The following CCDC13 variants were observed in gnomAD, a reference collection of about 807,000 sequenced individuals.
CCDC13 encodes coiled-coil domain-containing protein 13.
CCDC13 carries 70 observed loss-of-function variants against 87.3 expected under a neutral mutation model. That is an observed-to-expected ratio of 0.80 (90% CI 0.66 to 0.98). The LOEUF (loss-of-function observed/expected upper bound fraction) is 0.98, where lower values mean the gene tolerates loss of function less well. Ranked by LOEUF, CCDC13 falls within the 50% of genes least tolerant of loss-of-function variation. CCDC13 has a pLI of 0.00. For missense variants in CCDC13, 842 were observed against 892.0 expected, an observed-to-expected ratio of 0.94 and a Z score of 0.71; for synonymous variants, 317 against 360.3, an observed-to-expected ratio of 0.88 and a Z score of 1.36.
intron 9 of CCDC13, among the ~76,000 whole-genome samples, chr3:42,737,793 G>A (rs1699079180): frequency 6.6e-6 from 1 of 152,176 alleles, no homozygotes; most frequent in Non-Finnish European, 1.5e-5. Flanking sequence ...TGAGTTCTTT[G>A]TAGATTCTGG....
intron 1 of CCDC13, among the ~76,000 whole-genome samples, chr3:42,767,384 G>A (rs183615746): frequency 5.7e-4 from 86 of 152,210 alleles, no homozygotes; most frequent in African/African-American, 2.0e-3. Context: ...TCTATATTAG[G>A]AGAAATATAA....
intron 6 of CCDC13, 76 bp downstream of exon 6, chr3:42,747,181 T>C: frequency 9.3e-7 from 1 of 1,075,836 alleles, no homozygotes; most frequent in Non-Finnish European, 1.4e-6. Flanking sequence ...CAGAAAGGAA[T>C]CCACTGTGCC....
rs1486779371 is a variant in CCDC13 at position 42,735,771 on chromosome 3, A to T, written c.1307T>A (p.Met436Lys). 1 of 1,614,160 alleles carries T rather than the reference A, an allele frequency of 6.2e-7. No individual in the cohort carries two copies. The highest frequency in any genetic ancestry group is 1.7e-5 in the Admixed American group (1 of 60,018). The change falls in exon 10 of 16, where the codon ATG becomes AAG. Residue 436 changes from methionine (M) to lysine (K), a missense_variant. Coordinates refer to ENST00000310232, the MANE Select transcript of CCDC13 (RefSeq NM_144719.4). ...SNSLVAQLQA[M>K]VAEREAKVRQ... ...CACTTTGGCCTCCCGCTCAGCTACCATGGCCTGCAGCTGGGCGACTAGGCT... is the reference window on the plus strand; with the variant it reads ...CACTTTGGCCTCCCGCTCAGCTACCTTGGCCTGCAGCTGGGCGACTAGGCT...
At chr3:42,763,499 T>C (rs1010196638) in intron 1 of CCDC13, among the ~76,000 whole-genome samples, 1 of 151,418 alleles carries the variant, frequency 6.6e-6, no homozygotes, top group African/African-American at 2.4e-5. Flanking sequence ...TTTGAAGAGA[T>C]GTACTTTTTT....
Position 42,735,652 on chromosome 3 carries a change from G to A in CCDC13, c.1371+55C>T, listed in dbSNP as rs994287142. The A allele has an allele frequency of 8.3e-6, 13 of 1,562,292 alleles. No individual in the cohort carries two copies. The Admixed American group carries it at 1.8e-4, about 22-fold the overall frequency. The stretch of plus-strand genomic sequence containing the variant: ...CAAGTGGAAAGAAGTGGAAGGAGCT[G>A]GATGGACTTGCCCGGCTTGAAAATG... On this transcript the variant is annotated intron_variant, in intron 10 of 15. Transcript: ENST00000310232.
At chr3:42,771,342 G>A (rs1258769128) in intron 1 of CCDC13, among the ~76,000 whole-genome samples, 1 of 152,150 alleles carries the variant, frequency 6.6e-6, no homozygotes, top group Non-Finnish European at 1.5e-5. Context: ...TTGGTGGGAA[G>A]GAACAATGAA....
rs146812398 is a variant in CCDC13, at chr3:42,712,568, A to G, written c.1873+594T>C. On this transcript the variant is annotated intron_variant, in intron 14 of 15. Transcript: ENST00000310232. ...GATGAGAGCAGAAGTGACATATGCAACCGTAAAAGGTAAGGAGAAGTTTGT... is the reference window on the plus strand; with the variant it reads ...GATGAGAGCAGAAGTGACATATGCAGCCGTAAAAGGTAAGGAGAAGTTTGT... Among the ~76,000 whole-genome samples the G allele has an allele frequency of 1.4e-3, 214 of 152,264 alleles. 1 individual carries two copies. The highest frequency in any genetic ancestry group is 4.4e-3 in the South Asian group (21 of 4,822).
chr3:42,758,459 G>T, intron 1 of CCDC13, 108 bp from the exon 2 acceptor site: 1 of 1,034,404 alleles, frequency 9.7e-7, no homozygotes, highest in Non-Finnish European at 1.4e-6. Flanking sequence ...GCTTCGCGTT[G>T]CATGTATGTC....
chr3:42,735,956 C>T (rs777820595), intron 9 of CCDC13, 43 bp from the exon 10 acceptor site: 2 of 1,576,414 alleles, frequency 1.3e-6, no homozygotes, highest in Non-Finnish European at 1.7e-6. Context: ...AGTCATGGCC[C>T]TTTGGGCCGG....
chr3:42,758,436 C>A, intron 1 of CCDC13, 85 bp from the exon 2 acceptor site: 1 of 1,352,106 alleles, frequency 7.4e-7, no homozygotes, highest in Non-Finnish European at 1.0e-6. Flanking sequence ...CAGCCCCAGC[C>A]TTGGAGTTTA....
chr3:42,719,624 C>T (rs1698514344), intron 13 of CCDC13: 1 of 152,130 alleles, frequency 6.6e-6, no homozygotes, highest in Non-Finnish European at 1.5e-5. Flanking sequence ...CAAGACGGCC[C>T]AGCAAACTGG....
At chr3:42,716,289 T>C (rs955991169) in intron 13 of CCDC13, among the ~76,000 whole-genome samples, 5 of 152,122 alleles carry the variant, frequency 3.3e-5, no homozygotes, top group African/African-American at 4.8e-5. Flanking sequence ...AAGTTCTATC[T>C]AACCTCCAAG....
chr3:42,735,201 T>G (rs1160876881), intron 10 of CCDC13, among the ~76,000 whole-genome samples: 1 of 150,380 alleles, frequency 6.6e-6, no homozygotes, highest in African/African-American at 2.5e-5. Context: ...GGGGAGGGAG[T>G]GTGCTTCACG....
At chr3:42,741,234 C>T (rs940235705) in intron 8 of CCDC13, 1 of 152,286 alleles carries the variant, frequency 6.6e-6, no homozygotes, top group Admixed American at 6.5e-5. Flanking sequence ...TCTTCCAAGT[C>T]CAATCAGTCC....
chr3:42,762,481 G>A (rs1294319616), intron 1 of CCDC13, among the ~76,000 whole-genome samples: 1 of 152,180 alleles, frequency 6.6e-6, no homozygotes, highest in African/African-American at 2.4e-5. Flanking sequence ...GCTGGAGGGG[G>A]CTGGAGATCG....
intron 13 of CCDC13, among the ~76,000 whole-genome samples, chr3:42,724,423 C>G (rs894909098): frequency 6.6e-5 from 10 of 152,230 alleles, no homozygotes; most frequent in African/African-American, 2.4e-4. Flanking sequence ...TCCTCGCCCC[C>G]TCTCCAGACC....
chr3:42,771,021 CAAT>C (rs1430799491), intron 1 of CCDC13: 1 of 152,178 alleles, frequency 6.6e-6, no homozygotes, highest in African/African-American at 2.4e-5. Context: ...ATTCTGGACT[CAAT>C]AACTTTATTC....
chr3:42,741,926 C>A (rs543529364), intron 8 of CCDC13, among the ~76,000 whole-genome samples: 87 of 152,288 alleles, frequency 5.7e-4, no homozygotes, highest in African/African-American at 2.0e-3. Flanking sequence ...AACACAGGGC[C>A]TAACCCAGCG....
intron 10 of CCDC13, among the ~76,000 whole-genome samples, chr3:42,734,484 T>C (rs123506): frequency 0.81 from 123,270 of 152,070 alleles, 50,495 homozygotes; most frequent in East Asian, 1. Context: ...CAGACTTCCT[T>C]GTGCCCCCAG....
Sources: gnomAD v4.1 joint callset for allele counts (sites outside exome capture counted in the v4.1 genomes callset) on GRCh38, gnomAD v4.1.1 for gene constraint, MANE v1.5 for transcripts, NCBI Gene and HGNC (gene_info 2026-07-23, HGNC 2026-07-21) for gene names.